Variants in IL19 observed in about 807,000 individuals in gnomAD.
IL19 encodes the protein interleukin-19.
Under a neutral mutation model 19.5 loss-of-function variants are expected in IL19, and 15 were observed. That is an observed-to-expected ratio of 0.77 (90% CI 0.52 to 1.19). IL19 has a LOEUF of 1.19. IL19 is among the 50% of genes most tolerant of loss of function. The pLI is 0.00. For missense variants in IL19, 199 were observed against 213.1 expected (o/e 0.93, Z 0.41); for synonymous variants, 78 against 78.3 (o/e 1.00, Z 0.02).
chr1:206,818,474 T>C (rs1000603063), intron 2 of IL19, among the ~76,000 whole-genome samples: 1 of 152,244 alleles, frequency 6.6e-6, no homozygotes, highest in Non-Finnish European at 1.5e-5. Context: ...TTACATAATA[T>C]ACTAGAAAAC....
At chr1:206,805,242 T>C (rs1675820357) in intron 2 of IL19, among the ~76,000 whole-genome samples, 1 of 152,194 alleles carries the variant, frequency 6.6e-6, no homozygotes, top group African/African-American at 2.4e-5. Context: ...CGTTTACATG[T>C]CCAATAAATA....
intron 4 of IL19, among the ~76,000 whole-genome samples, chr1:206,839,111 T>C (rs1369758285): frequency 6.6e-6 from 1 of 152,212 alleles, no homozygotes; most frequent in Non-Finnish European, 1.5e-5. Flanking sequence ...GGCAAACTTC[T>C]AGAAGGAAAC....
chr1:206,841,086 C>T lies in IL19; in HGVS notation c.438+8C>T. The T allele has an allele frequency of 6.2e-7, 1 of 1,612,274 alleles. No homozygotes were observed. Among genetic ancestry groups the T allele is most frequent in the Non-Finnish European group, 8.5e-7 (1 of 1,178,300 alleles). Reference sequence around the variant, plus strand: ...CATGACAACTATGATCAGGTAAGATCTGGGAAGAGGTTGGGGAAGATGGAA... The same window carrying T: ...CATGACAACTATGATCAGGTAAGATTTGGGAAGAGGTTGGGGAAGATGGAA... On this transcript the variant is annotated splice_region_variant and intron_variant, in intron 6 of 6. Transcript: ENST00000659997.
At chr1:206,832,625 C>T (rs1022620267) in intron 2 of IL19, among the ~76,000 whole-genome samples, 1 of 152,208 alleles carries the variant, frequency 6.6e-6, no homozygotes, top group Non-Finnish European at 1.5e-5. Flanking sequence ...AAATGATAAA[C>T]TCCCCATCTC....
chr1:206,781,885 ATG>A (rs1299627644), intron 1 of IL19, among the ~76,000 whole-genome samples: 1 of 134,804 alleles, frequency 7.4e-6, no homozygotes, highest in South Asian at 2.2e-4. Flanking sequence ...ATACATATAT[ATG>A]TATATAGTTA....
rs547259219 is a variant in IL19, at chr1:206,797,792, TGTC to T, written c.-148-1066_-148-1064del. 1.2e-4 allele frequency among the ~76,000 whole-genome samples: 18 copies of T among 152,190 alleles called. 1 individual carries two copies. In the South Asian group the frequency reaches 3.7e-3, roughly 32 times the overall value. On this transcript the variant is annotated intron_variant, in intron 1 of 6. Coordinates refer to ENST00000659997, the MANE Select transcript of IL19 (RefSeq NM_153758.5). ...GGACATGATGGGAGTCTGGAGAAGG[TGTC>T]GTGGTTGGCAGGAAGTGCCACATTC...
At chr1:206,820,070 T>C (rs1338901040) in intron 2 of IL19, among the ~76,000 whole-genome samples, 2 of 152,202 alleles carry the variant, frequency 1.3e-5, no homozygotes, top group Non-Finnish European at 2.9e-5. Context: ...TCCTAAATTT[T>C]GTCTTGTTGG....
At chr1:206,794,353 C>T (rs765646894) in intron 1 of IL19, among the ~76,000 whole-genome samples, 2 of 152,174 alleles carry the variant, frequency 1.3e-5, no homozygotes, top group Non-Finnish European at 2.9e-5. Context: ...TTTCTGTCTA[C>T]GGTCCGTCAC....
At chr1:206,825,448 T>C (rs1364563727) in intron 2 of IL19, among the ~76,000 whole-genome samples, 5 of 152,212 alleles carry the variant, frequency 3.3e-5, no homozygotes, top group Admixed American at 3.3e-4. Context: ...AAGATCAAAA[T>C]TTTTCCTTCT....
chr1:206,797,543 A>G (rs1290533287), intron 1 of IL19, among the ~76,000 whole-genome samples: 2 of 152,146 alleles, frequency 1.3e-5, no homozygotes, highest in Admixed American at 1.3e-4. Flanking sequence ...GAATTTGTAT[A>G]TTGGGAATGG....
intron 1 of IL19, among the ~76,000 whole-genome samples, chr1:206,779,308 T>C (rs1675076923): frequency 6.6e-6 from 1 of 152,216 alleles, no homozygotes; most frequent in Admixed American, 6.5e-5. Flanking sequence ...CTCACCTGTT[T>C]ACCCCCACGT....
chr1:206,788,660 C>G (rs1675320407), intron 1 of IL19, among the ~76,000 whole-genome samples: 1 of 152,158 alleles, frequency 6.6e-6, no homozygotes, highest in African/African-American at 2.4e-5. Context: ...TCCCTCATTG[C>G]CCCTCACTGC....
At chr1:206,794,074 G>A (rs1486546323) in intron 1 of IL19, among the ~76,000 whole-genome samples, 2 of 152,146 alleles carry the variant, frequency 1.3e-5, no homozygotes, top group Admixed American at 6.5e-5. Flanking sequence ...GATGGGCAAT[G>A]TTCTCTAGTA....
intron 4 of IL19, among the ~76,000 whole-genome samples, chr1:206,838,608 T>C (rs1365636387): frequency 3.3e-5 from 5 of 152,198 alleles, no homozygotes; most frequent in Non-Finnish European, 7.4e-5. Flanking sequence ...GACTAGTTAG[T>C]GGCAGAGTTA....
At chr1:206,795,655 G>T (rs1394503651) in intron 1 of IL19, among the ~76,000 whole-genome samples, 2 of 152,086 alleles carry the variant, frequency 1.3e-5, no homozygotes, top group Admixed American at 6.5e-5. Context: ...CAAGACTTGG[G>T]GCGATTTGCT....
At position 206,827,713 on chromosome 1, in the gene IL19, A is replaced by C. The variant is rs1331274838; in HGVS notation, c.-2-8948A>C. ...CAAAAAACAAAACAAAACAAAACAA[A>C]AAAAACAAAAAGAACAAAATGCTTC... On this transcript the variant is annotated intron_variant, in intron 2 of 6. Coordinates refer to ENST00000659997, the MANE Select transcript of IL19 (RefSeq NM_153758.5). Among the ~76,000 whole-genome samples, 5 of 148,908 alleles carry C rather than the reference A, an allele frequency of 3.4e-5. No homozygotes were observed. In the South Asian group the frequency reaches 8.4e-4, roughly 25 times the overall value.
chr1:206,801,189 A>G (rs1675673506), intron 2 of IL19, among the ~76,000 whole-genome samples: 1 of 151,186 alleles, frequency 6.6e-6, no homozygotes, highest in Non-Finnish European at 1.5e-5. Context: ...AAAAAACCAC[A>G]GATGTCTGCC....
intron 2 of IL19, among the ~76,000 whole-genome samples, chr1:206,832,647 G>T (rs1327128737): frequency 3.3e-5 from 5 of 152,160 alleles, no homozygotes; most frequent in African/African-American, 7.2e-5. Context: ...ATGCAAATGA[G>T]ATTTTTTTTG....
intron 1 of IL19, among the ~76,000 whole-genome samples, chr1:206,793,565 C>T (rs1017085643): frequency 6.6e-6 from 1 of 152,218 alleles, no homozygotes; most frequent in African/African-American, 2.4e-5. Context: ...AAAGAGGCTG[C>T]AGCAGGCAAT....
Sources: allele counts gnomAD v4.1 joint callset (sites outside exome capture counted in the v4.1 genomes callset), GRCh38; gene constraint gnomAD v4.1.1; transcripts MANE v1.5; gene names NCBI Gene and HGNC (gene_info 2026-07-23, HGNC 2026-07-21).